The following RAB38 variants were observed in gnomAD, a reference collection of about 807,000 sequenced individuals.
RAB38 encodes RAB38, member RAS oncogene family.
RAB38 carries 15 observed loss-of-function variants against 18.4 expected under a neutral mutation model. That is an observed-to-expected ratio of 0.82 (90% CI 0.55 to 1.26). RAB38 has a LOEUF of 1.26. Ranked by LOEUF, RAB38 falls within the 50% of genes most tolerant of loss-of-function variation. RAB38 has a pLI of 0.00. For missense variants in RAB38, 294 were observed against 267.4 expected (o/e 1.10, Z -0.69); for synonymous variants, 101 against 104.4 (o/e 0.97, Z 0.20).
chr11:88,099,579 C>T, the RAB38 span, among the ~76,000 whole-genome samples: 2 of 151,940 alleles, frequency 1.3e-5, no homozygotes, highest in African/African-American at 4.8e-5. Context: ...TGAATTAAAG[C>T]ACAACATGGG....
At chr11:88,023,560 T>C in the RAB38 span, among the ~76,000 whole-genome samples, 1 of 152,068 alleles carries the variant, frequency 6.6e-6, no homozygotes, top group South Asian at 2.1e-4. Flanking sequence ...CTAAAATTTC[T>C]ATAGAATCAC....
chr11:87,951,533 C>T, the RAB38 span, among the ~76,000 whole-genome samples: 2 of 151,948 alleles, frequency 1.3e-5, no homozygotes, highest in South Asian at 2.1e-4. Flanking sequence ...TGGTTTTATC[C>T]ACCTTTTGTC....
the RAB38 span, among the ~76,000 whole-genome samples, chr11:87,951,427 T>C: frequency 3.3e-3 from 503 of 152,352 alleles, 6 homozygotes; most frequent in African/African-American, 0.012. Flanking sequence ...CTTTGTTCTG[T>C]TGCTGGTGAG....
the RAB38 span, among the ~76,000 whole-genome samples, chr11:88,056,738 A>C: frequency 6.6e-6 from 1 of 152,166 alleles, no homozygotes; most frequent in African/African-American, 2.4e-5. Context: ...TGGAAGGCGG[A>C]GCTTGCAGTG....
the RAB38 span, among the ~76,000 whole-genome samples, chr11:87,960,550 C>T: frequency 6.6e-6 from 1 of 152,090 alleles, no homozygotes. Context: ...CAGATTTGAT[C>T]CTCACACTCT....
At chr11:88,136,022 T>C (rs1333958388) in intron 2 of RAB38, among the ~76,000 whole-genome samples, 1 of 152,224 alleles carries the variant, frequency 6.6e-6, no homozygotes, top group African/African-American at 2.4e-5. Flanking sequence ...TCTCAAAAAG[T>C]GACTCCACTT....
the RAB38 span, among the ~76,000 whole-genome samples, chr11:88,077,570 G>C: frequency 6.6e-6 from 1 of 152,106 alleles, no homozygotes; most frequent in Non-Finnish European, 1.5e-5. Flanking sequence ...AATCTTCAAT[G>C]AACAGTGCTA....
chr11:87,811,016 G>A, the RAB38 span, among the ~76,000 whole-genome samples: 2 of 152,176 alleles, frequency 1.3e-5, no homozygotes, highest in South Asian at 4.2e-4. Context: ...AGACACAAGT[G>A]GGCACCTGAA....
At chr11:88,092,403 A>T in the RAB38 span, among the ~76,000 whole-genome samples, 1 of 47,000 alleles carries the variant, frequency 2.1e-5, no homozygotes, top group Non-Finnish European at 4.2e-5. Flanking sequence ...AGAGAGAGAG[A>T]GAGAGAGAGA....
At chr11:87,860,567 T>C in the RAB38 span, among the ~76,000 whole-genome samples, 1 of 152,022 alleles carries the variant, frequency 6.6e-6, no homozygotes, top group East Asian at 1.9e-4. Context: ...AGGAAGTATA[T>C]AAATAAAATT....
At chr11:87,950,437 G>A in the RAB38 span, among the ~76,000 whole-genome samples, 1 of 152,262 alleles carries the variant, frequency 6.6e-6, no homozygotes, top group East Asian at 1.9e-4. Context: ...TATGATGTTA[G>A]CTGGTTATTT....
chr11:87,961,681 C>T, the RAB38 span, among the ~76,000 whole-genome samples: 1 of 152,092 alleles, frequency 6.6e-6, no homozygotes, highest in Non-Finnish European at 1.5e-5. Context: ...AACTAAAGTC[C>T]TAGAAACCAA....
At chr11:88,063,301 C>T in the RAB38 span, among the ~76,000 whole-genome samples, 1 of 152,070 alleles carries the variant, frequency 6.6e-6, no homozygotes. Context: ...TGCACATCCC[C>T]ACACACAAAA....
chr11:88,103,334 T>G, the RAB38 span, among the ~76,000 whole-genome samples: 12 of 152,182 alleles, frequency 7.9e-5, no homozygotes, highest in African/African-American at 2.9e-4. Flanking sequence ...CTAGTACATT[T>G]CCCAGTTTCT....
rs35483893 is a variant in RAB38, at chr11:88,175,168, TC to T, written c.202+14del. 3.2e-6 allele frequency: 5 copies of T among 1,576,874 alleles called. No homozygotes were observed. The highest frequency in any genetic ancestry group is 1.2e-5 in the South Asian group (1 of 86,770). ...GAGGCGCTCTATCCCCCTGACCCCCTCCCCCCGCGCTCACCTGCGATATCCC... is the reference window on the plus strand; with the variant it reads ...GAGGCGCTCTATCCCCCTGACCCCCTCCCCCGCGCTCACCTGCGATATCCC... On this transcript the variant is annotated intron_variant, in intron 1 of 2. Coordinates refer to ENST00000243662, the MANE Select transcript of RAB38 (RefSeq NM_022337.3).
At chr11:87,913,994 C>G in the RAB38 span, among the ~76,000 whole-genome samples, 6 of 151,720 alleles carry the variant, frequency 4.0e-5, no homozygotes, top group African/African-American at 1.5e-4. Context: ...TTATAAGAAA[C>G]AGAAAACAGA....
At chr11:88,163,150 T>C (rs944263224) in intron 1 of RAB38, among the ~76,000 whole-genome samples, 1 of 152,106 alleles carries the variant, frequency 6.6e-6, no homozygotes, top group Non-Finnish European at 1.5e-5. Context: ...AATTACACTG[T>C]AGATTCCTTG....
intron 2 of RAB38, among the ~76,000 whole-genome samples, chr11:88,140,881 T>C (rs544191435): frequency 6.6e-6 from 1 of 152,280 alleles, no homozygotes; most frequent in African/African-American, 2.4e-5. Context: ...GTCTCCAAAT[T>C]GGATAATTAT....
At chr11:88,161,049 T>A (rs1424477818) in intron 1 of RAB38, among the ~76,000 whole-genome samples, 3 of 151,990 alleles carry the variant, frequency 2.0e-5, no homozygotes, top group African/African-American at 7.2e-5. Flanking sequence ...AAAAGGTAAA[T>A]CTTACCATTA....
Sources: gnomAD v4.1 joint callset for allele counts (sites outside exome capture counted in the v4.1 genomes callset) on GRCh38, gnomAD v4.1.1 for gene constraint, MANE v1.5 for transcripts, NCBI Gene and HGNC (gene_info 2026-07-23, HGNC 2026-07-21) for gene names.